Variants in PCDH9 observed in about 807,000 individuals in gnomAD.
PCDH9 encodes protocadherin 9.
In PCDH9, 24 loss-of-function variants were observed where a neutral mutation model predicts 70.6. The observed-to-expected ratio is 0.34, with a 90% CI of 0.25 to 0.48. The LOEUF (loss-of-function observed/expected upper bound fraction) is 0.48, where lower values mean the gene tolerates loss of function less well. Among genes scored for constraint, PCDH9 ranks in the 20% least tolerant of loss-of-function variants. PCDH9 has a pLI of 0.99. For missense variants in PCDH9, 1,281 were observed against 1,503.6 expected, an observed-to-expected ratio of 0.85 and a Z score of 2.45; for synonymous variants, 562 against 558.5, an observed-to-expected ratio of 1.01 and a Z score of -0.09.
chr13:66,647,037 A>G (rs2077780732), intron 3 of PCDH9, among the ~76,000 whole-genome samples: 2 of 152,150 alleles, frequency 1.3e-5, no homozygotes, highest in South Asian at 2.1e-4. Flanking sequence ...GGAATCACCC[A>G]TCAAGTGAGT....
rs139952060 is a variant in PCDH9, at chr13:66,781,268, G to A, written c.3138+122236C>T. On this transcript the variant is annotated intron_variant, in intron 3 of 4. Transcript: ENST00000377865. ...GACTTTTGGTGTATTAGCTGAATGCGTGTAAGTCATCCTACATTCTGCCCT... is the reference window on the plus strand; with the variant it reads ...GACTTTTGGTGTATTAGCTGAATGCATGTAAGTCATCCTACATTCTGCCCT... 5.9e-5 allele frequency among the ~76,000 whole-genome samples: 9 copies of A among 152,258 alleles called. No homozygotes were observed. The East Asian group carries it at 1.4e-3, about 23-fold the overall frequency.
intron 2 of PCDH9, among the ~76,000 whole-genome samples, chr13:66,926,490 T>C (rs2082720179): frequency 6.6e-6 from 1 of 152,224 alleles, no homozygotes; most frequent in South Asian, 2.1e-4. Context: ...TTAACGTTTC[T>C]ATTGCTATGT....
intron 3 of PCDH9, among the ~76,000 whole-genome samples, chr13:66,868,913 T>C (rs111603928): frequency 0.01 from 1,547 of 152,272 alleles, 24 homozygotes; most frequent in African/African-American, 0.036. Flanking sequence ...ACTTACAGAC[T>C]AGCATGATAA....
chr13:66,806,188 C>T (rs986931886), intron 3 of PCDH9, among the ~76,000 whole-genome samples: 1 of 152,034 alleles, frequency 6.6e-6, no homozygotes, highest in African/African-American at 2.4e-5. Flanking sequence ...TATGTCAAAA[C>T]TTATTTTATA....
Position 67,013,900 on chromosome 13 carries a change from C to T in PCDH9, c.3037-110295G>A, listed in dbSNP as rs117971336. Among the ~76,000 whole-genome samples, 138 of 152,102 alleles carry T rather than the reference C, an allele frequency of 9.1e-4. 2 individuals are homozygous for T. In the East Asian group the frequency reaches 0.02, roughly 23 times the overall value. The stretch of plus-strand genomic sequence containing the variant: ...AGTACCAGAACAATTGTTATCATCA[C>T]GAGATAAGCATCATCTGTGTCCCAT... On this transcript the variant is annotated intron_variant, in intron 2 of 4. Coordinates refer to ENST00000377865, the MANE Select transcript of PCDH9 (RefSeq NM_203487.3).
chr13:67,224,995 G>C, intron 2 of PCDH9: 3 of 1,028,876 alleles, frequency 2.9e-6, no homozygotes, highest in Non-Finnish European at 3.5e-6. Flanking sequence ...ACCTTCAAAA[G>C]TCATTGAAAA....
chr13:66,661,238 C>T (rs918643525), intron 3 of PCDH9, among the ~76,000 whole-genome samples: 1 of 152,070 alleles, frequency 6.6e-6, no homozygotes, highest in Non-Finnish European at 1.5e-5. Flanking sequence ...TTTCCTTTCC[C>T]TTGTTGGAAC....
Position 66,306,463 on chromosome 13 carries a change from C to T in PCDH9, c.3341-1435G>A, listed in dbSNP as rs1157669157. On this transcript the variant is annotated intron_variant, in intron 4 of 4. Coordinates refer to ENST00000377865, the MANE Select transcript of PCDH9 (RefSeq NM_203487.3). ...GTATACTGCTTGGGTGATGGGTGCA[C>T]TAAAATCTCAGACCTCACCACTATA... Among the ~76,000 whole-genome samples, 4 of 151,034 alleles carry T rather than the reference C, an allele frequency of 2.6e-5. No homozygotes were observed. The East Asian group carries it at 7.8e-4, about 30-fold the overall frequency.
At position 66,690,437 on chromosome 13, in the gene PCDH9, C is replaced by A. The variant is rs138604267; in HGVS notation, c.3139-59026G>T. 4.8e-4 allele frequency among the ~76,000 whole-genome samples: 73 copies of A among 152,098 alleles called. 1 individual carries two copies. In the East Asian group the frequency reaches 0.013, roughly 28 times the overall value. On this transcript the variant is annotated intron_variant, in intron 3 of 4. Transcript: ENST00000377865. ...CAAACAAATACAAATGTAACCTATA[C>A]AAAAGGTTACATTTGCTTGATATTA...
intron 4 of PCDH9, among the ~76,000 whole-genome samples, chr13:66,570,724 C>T (rs2076722033): frequency 6.6e-6 from 1 of 152,034 alleles, no homozygotes; most frequent in South Asian, 2.1e-4. Flanking sequence ...TTAGATTAGG[C>T]AATAGATTTT....
intron 3 of PCDH9, among the ~76,000 whole-genome samples, chr13:66,773,535 C>G (rs558202327): frequency 6.6e-6 from 1 of 151,394 alleles, no homozygotes; most frequent in Non-Finnish European, 1.5e-5. Context: ...GAGGTTGAGG[C>G]AGGAGAATGG....
At chr13:66,800,749 T>C (rs1157037995) in intron 3 of PCDH9, among the ~76,000 whole-genome samples, 3 of 152,204 alleles carry the variant, frequency 2.0e-5, no homozygotes, top group Non-Finnish European at 1.5e-5. Context: ...CAATCTTTGA[T>C]TTTATATCAC....
At chr13:67,178,012 T>C (rs1400997086) in intron 2 of PCDH9, among the ~76,000 whole-genome samples, 1 of 152,088 alleles carries the variant, frequency 6.6e-6, no homozygotes, top group Non-Finnish European at 1.5e-5. Flanking sequence ...TGCCCAAGCC[T>C]GGCATGGAAA....
chr13:67,085,777 G>C (rs778787098), intron 2 of PCDH9, among the ~76,000 whole-genome samples: 2 of 152,196 alleles, frequency 1.3e-5, no homozygotes, highest in African/African-American at 2.4e-5. Context: ...CAAGGAAGGA[G>C]TTTGTTCAAA....
intron 3 of PCDH9, among the ~76,000 whole-genome samples, chr13:66,888,211 C>T (rs1297434614): frequency 6.6e-6 from 1 of 152,058 alleles, no homozygotes; most frequent in Non-Finnish European, 1.5e-5. Flanking sequence ...AAATGGACCA[C>T]CAGCCAGGTC....
intron 2 of PCDH9, among the ~76,000 whole-genome samples, chr13:66,950,482 T>C (rs929289563): frequency 6.6e-5 from 10 of 152,044 alleles, no homozygotes; most frequent in African/African-American, 2.4e-4. Context: ...TCATAAAAGA[T>C]ATATGTGTAT....
chr13:66,351,847 C>CTTTTCT (rs1555283838), intron 4 of PCDH9, among the ~76,000 whole-genome samples: 31 of 148,394 alleles, frequency 2.1e-4, no homozygotes, highest in South Asian at 4.2e-4. Flanking sequence ...CTTTTCTTTT[C>CTTTTCT]TTTTTTTTTA....
chr13:66,693,239 T>C (rs2078513133), intron 3 of PCDH9, among the ~76,000 whole-genome samples: 1 of 152,142 alleles, frequency 6.6e-6, no homozygotes. Context: ...GGTATTACAG[T>C]TCTTTTCATA....
chr13:67,058,820 A>T (rs1344167971), intron 2 of PCDH9, among the ~76,000 whole-genome samples: 1 of 152,146 alleles, frequency 6.6e-6, no homozygotes, highest in African/African-American at 2.4e-5. Context: ...GAAATTAATC[A>T]AATACAGCTA....
Sources: gnomAD v4.1 joint callset for allele counts (sites outside exome capture counted in the v4.1 genomes callset) on GRCh38, gnomAD v4.1.1 for gene constraint, MANE v1.5 for transcripts, NCBI Gene and HGNC (gene_info 2026-07-23, HGNC 2026-07-21) for gene names.